Variants in MYO18A observed in about 807,000 individuals in gnomAD.
The protein encoded by MYO18A is unconventional myosin-XVIIIa.
In MYO18A, 78 loss-of-function variants were observed where a neutral mutation model predicts 235.8. The ratio of observed to expected loss-of-function variants is 0.33; its 90% confidence interval spans 0.28 to 0.40. The LOEUF (loss-of-function observed/expected upper bound fraction) is 0.40. Among genes scored for constraint, MYO18A ranks in the 10% least tolerant of loss-of-function variants. The pLI is 1.00. For missense variants in MYO18A, 2,215 were observed against 2,699.3 expected (o/e 0.82, Z 3.98); for synonymous variants, 977 against 1,077.8 (o/e 0.91, Z 1.83).
At chr17:29,112,321 G>T (rs2066950879) in intron 15 of MYO18A, among the ~76,000 whole-genome samples, 1 of 152,210 alleles carries the variant, frequency 6.6e-6, no homozygotes, top group African/African-American at 2.4e-5. Context: ...GTTAATCCTG[G>T]TCTCTGAAAG....
Position 29,158,581 on chromosome 17 carries a change from C to T in MYO18A, c.999+7361G>A, listed in dbSNP as rs1425608876. The stretch of plus-strand genomic sequence containing the variant: ...CTGGGGCACAACCATACCCGCTGCC[C>T]AGGACTGACAATGGAGGCGCCAGGC... On this transcript the variant is annotated intron_variant, in intron 2 of 41. Transcript: ENST00000527372. The surrounding 1 kb of genome is among the most constrained non-coding windows in gnomAD (Gnocchi z 4.3). 1.3e-5 allele frequency among the ~76,000 whole-genome samples: 2 copies of T among 152,160 alleles called. No homozygotes were observed. The highest frequency in any genetic ancestry group is 2.9e-5 in the Non-Finnish European group (2 of 68,030).
At chr17:29,128,399 C>G (rs1400045000) in intron 2 of MYO18A, 1 of 1,289,250 alleles carries the variant, frequency 7.8e-7, no homozygotes, top group Admixed American at 2.3e-5. Flanking sequence ...TTCGCTTAGG[C>G]CTTCTGCTGT....
chr17:29,080,864 C>T lies in MYO18A; in HGVS notation c.6020+1452G>A, dbSNP rs774070302. 122 of 985,388 alleles carry T rather than the reference C, an allele frequency of 1.2e-4. 1 individual carries two copies. The highest frequency in any genetic ancestry group is 1.4e-4 in the Non-Finnish European group (119 of 829,974). 61.0% of individuals were successfully genotyped at this position (985,388 alleles called of 1,614,324 possible). On this transcript the variant is annotated intron_variant, in intron 41 of 41. Transcript: ENST00000527372. ...GGCCTCTCAGGGGAGGCCGCCCGCT[C>T]GCTCAGGGAGGTGAAGAGCGAATCC... is the stretch of plus-strand genomic sequence containing the variant.
At position 29,092,391 on chromosome 17, in the gene MYO18A, G is replaced by C. The variant is rs968510696; in HGVS notation, c.5139C>G (p.Ile1713Met). 1.9e-6 allele frequency: 3 copies of C among 1,612,434 alleles called. No homozygotes were observed. The highest frequency in any genetic ancestry group is 2.5e-6 in the Non-Finnish European group (3 of 1,179,850). Reference protein sequence around the residue: ...VKARKAMEVEIEDLHLQIDDI... With the variant: ...VKARKAMEVEMEDLHLQIDDI... Reference sequence around the variant, plus strand: ...CATCAATCTGCAGGTGCAGGTCTTCGATCTCCACCTCCATTGCTTTCCGTG... The same window carrying C: ...CATCAATCTGCAGGTGCAGGTCTTCCATCTCCACCTCCATTGCTTTCCGTG... Residue 1713 changes from isoleucine to methionine, a missense_variant, in exon 34 of 42, where the codon ATC becomes ATG. By Grantham distance (10) the Ile-to-Met change is conservative. Coordinates refer to ENST00000527372, the MANE Select transcript of MYO18A (RefSeq NM_078471.4).
In MYO18A at chr17:29,099,719, C is replaced by T. The variant is rs761678203; in HGVS notation, c.3551G>A (p.Arg1184Gln). The T allele has an allele frequency of 5.6e-6, 9 of 1,613,440 alleles. No homozygotes were observed. Among genetic ancestry groups the T allele is most frequent in the East Asian group, 4.5e-5 (2 of 44,876 alleles). Residue 1184 changes from arginine to glutamine, a missense_variant, in exon 22 of 42, where the codon CGG (arginine) becomes CAG (glutamine). Coordinates refer to ENST00000527372, the MANE Select transcript of MYO18A (RefSeq NM_078471.4). ...TAGGTTCCTGCTGGTTTGTTCATCC[C>T]GCTGCTCCTCCAGCCGTGCCAAGGT... is the stretch of plus-strand genomic sequence containing the variant. ...AGTLARLEEQ[R>Q]DEQTSRNLTL...
chr17:29,093,486 C>A lies in MYO18A; in HGVS notation c.4822-59G>T, dbSNP rs1398150536. ...CCTTTAGTGCCTGGTGCGAAGCAGG[C>A]CCCTTCCATTCTGGGTTCCCCACTC... On this transcript the variant is annotated intron_variant, in intron 31 of 41. Transcript: ENST00000527372. 15 of 1,352,438 alleles carry A rather than the reference C, an allele frequency of 1.1e-5. No individual in the cohort carries two copies. In the East Asian group the frequency reaches 3.5e-4, roughly 32 times the overall value. The allele number at this position is 1,352,438 out of a possible 1,614,324, so 83.8% of individuals were successfully genotyped here.
In MYO18A at chr17:29,074,374, T is replaced by C. The variant is rs951917613; in HGVS notation, c.*396A>G. On this transcript the variant is annotated 3_prime_UTR_variant, in exon 42 of 42. Transcript: ENST00000527372. This position sits in a 1 kb window ranked among gnomAD's most constrained non-coding sequence, Gnocchi z 4.4. ...GAAGGCACTGCTTCTCCTCCCCCAATCCTCCCCATGGACCCAGCAACCTAG... is the reference window on the plus strand; with the variant it reads ...GAAGGCACTGCTTCTCCTCCCCCAACCCTCCCCATGGACCCAGCAACCTAG... The C allele has an allele frequency of 1.4e-5, 9 of 662,662 alleles. No individual in the cohort carries two copies. In the East Asian group the frequency reaches 2.5e-4, roughly 18 times the overall value. 41.0% of individuals were successfully genotyped at this position (662,662 alleles called of 1,614,324 possible). A position where few individuals can be genotyped will look rare whatever the true frequency, so the allele number is the denominator to read the frequency against.
intron 1 of MYO18A, among the ~76,000 whole-genome samples, chr17:29,170,438 G>A (rs919600339): frequency 3.9e-5 from 6 of 152,144 alleles, no homozygotes; most frequent in Admixed American, 6.5e-5. Flanking sequence ...CCTTCTTGTA[G>A]ACCTTGCACT....
Position 29,120,792 on chromosome 17 carries a change from A to G in MYO18A, c.1586-34T>C. On this transcript the variant is annotated intron_variant, in intron 6 of 41. Transcript: ENST00000527372. This position sits in a 1 kb window ranked among gnomAD's most constrained non-coding sequence, Gnocchi z 4.2. ...TACAGGCCCAAGGGGATATCAGGAA[A>G]GCCAGGGGCAGCTTATCCCCCAGCT... The G allele has an allele frequency of 2.5e-6, 4 of 1,598,410 alleles. No individual in the cohort carries two copies. Among genetic ancestry groups the G allele is most frequent in the Non-Finnish European group, 3.4e-6 (4 of 1,170,624 alleles).
intron 28 of MYO18A, among the ~76,000 whole-genome samples, chr17:29,096,031 T>C (rs568730708): frequency 1.6e-4 from 24 of 152,126 alleles, no homozygotes; most frequent in South Asian, 6.2e-4. Flanking sequence ...GCTGGGGAGA[T>C]GGTGGTTGGT....
intron 1 of MYO18A, among the ~76,000 whole-genome samples, chr17:29,178,119 T>C (rs547146202): frequency 2.0e-5 from 3 of 152,022 alleles, no homozygotes; most frequent in Non-Finnish European, 4.4e-5. Flanking sequence ...GAATAGCCAC[T>C]ACCAGGGCCA....
At chr17:29,133,658 C>A in intron 2 of MYO18A, 1 of 530,796 alleles carries the variant, frequency 1.9e-6, no homozygotes, top group Non-Finnish European at 3.2e-6. Context: ...GTCATTCTCC[C>A]TGCCACCCCC....
At chr17:29,171,906 A>G (rs79942632) in intron 1 of MYO18A, among the ~76,000 whole-genome samples, 3 of 134,080 alleles carry the variant, frequency 2.2e-5, no homozygotes, top group Non-Finnish European at 3.3e-5. Context: ...AGAAAGAAAG[A>G]AAAAAAAAAA....
intron 20 of MYO18A, among the ~76,000 whole-genome samples, chr17:29,104,554 C>G (rs1281065447): frequency 6.6e-6 from 1 of 151,980 alleles, no homozygotes; most frequent in East Asian, 1.9e-4. Context: ...CAGGAGGCAG[C>G]CAGATAGAAA....
At chr17:29,079,752 C>G in intron 41 of MYO18A, 9 of 986,084 alleles carry the variant, frequency 9.1e-6, no homozygotes, top group Non-Finnish European at 1.1e-5. Flanking sequence ...CGGGCCGGTA[C>G]AGGTACCGCA....
chr17:29,097,879 C>T lies in MYO18A; in HGVS notation c.4011G>A (p.Lys1337=). The part of the protein sequence containing the change: ...KELQTQYDAL[K]KQMEVMEMEV... The stretch of plus-strand genomic sequence containing the variant: ...CCATTTCCATAACCTCCATCTGCTT[C>T]TTCAGTGCATCGTACTGGGTCTGCA... The change falls in exon 26 of 42, where the codon AAG becomes AAA. Residue 1337 remains lysine (K), a synonymous_variant. Coordinates refer to ENST00000527372, the MANE Select transcript of MYO18A (RefSeq NM_078471.4). 1 of 1,613,808 alleles carries T rather than the reference C, an allele frequency of 6.2e-7. No homozygotes were observed. Among genetic ancestry groups the T allele is most frequent in the Non-Finnish European group, 8.5e-7 (1 of 1,179,756 alleles).
At chr17:29,135,247 T>G in intron 2 of MYO18A, among the ~76,000 whole-genome samples, 1 of 151,992 alleles carries the variant, frequency 6.6e-6, no homozygotes, top group Non-Finnish European at 1.5e-5. Context: ...ACTACAGGTG[T>G]CCACCACCAT....
intron 2 of MYO18A, chr17:29,131,375 G>T (rs1165858146): frequency 2.0e-6 from 2 of 985,170 alleles, no homozygotes; most frequent in Non-Finnish European, 2.4e-6. Context: ...ACTCAAGGAT[G>T]CACTTACAGC....
intron 2 of MYO18A, among the ~76,000 whole-genome samples, chr17:29,132,112 C>T (rs191684572): frequency 3.3e-5 from 5 of 152,172 alleles, no homozygotes; most frequent in African/African-American, 9.6e-5. Context: ...AAGTTAGGGG[C>T]GGGGTATGGA....
Sources: gnomAD v4.1 joint callset for allele counts (sites outside exome capture counted in the v4.1 genomes callset) on GRCh38, gnomAD v4.1.1 for gene constraint, Gnocchi (gnomAD v3.1) non-coding constraint, MANE v1.5 for transcripts, NCBI Gene and HGNC (gene_info 2026-07-23, HGNC 2026-07-21) for gene names.